Variants in STARD13 observed in about 807,000 individuals in gnomAD.
The protein encoded by STARD13 is StAR related lipid transfer domain containing 13.
Under a neutral mutation model 106.4 loss-of-function variants are expected in STARD13, and 62 were observed. The ratio of observed to expected loss-of-function variants is 0.58; its 90% CI spans 0.48 to 0.72. STARD13 has a LOEUF of 0.72. Ranked by LOEUF, STARD13 falls within the 30% of genes least tolerant of loss-of-function variation. The pLI is 0.00. For synonymous variants in STARD13, 565 were observed against 553.0 expected (o/e 1.02, Z -0.31); for missense variants, 1,387 against 1,424.0 (o/e 0.97, Z 0.42).
chr13:33,132,184 C>A (rs1057497619), intron 4 of STARD13, among the ~76,000 whole-genome samples: 2 of 152,206 alleles, frequency 1.3e-5, no homozygotes, highest in East Asian at 3.8e-4. Context: ...GAAAAGAATT[C>A]TATGGCTTAG....
At chr13:33,336,025 A>T (rs1483926442) in intron 1 of STARD13, among the ~76,000 whole-genome samples, 1 of 152,138 alleles carries the variant, frequency 6.6e-6, no homozygotes, top group Non-Finnish European at 1.5e-5. Flanking sequence ...TTCATTGTGC[A>T]CCTCCTGTAT....
At chr13:33,538,459 G>C in the STARD13 span, among the ~76,000 whole-genome samples, 5 of 152,154 alleles carry the variant, frequency 3.3e-5, no homozygotes, top group Non-Finnish European at 7.3e-5. Context: ...GGTCACCTCA[G>C]GAGTAAGAAA....
intron 1 of STARD13, among the ~76,000 whole-genome samples, chr13:33,191,010 C>T (rs1409411786): frequency 6.6e-6 from 1 of 152,148 alleles, no homozygotes; most frequent in African/African-American, 2.4e-5. Flanking sequence ...ACTGCAATGC[C>T]TTATTATACT....
chr13:33,408,184 G>A, the STARD13 span, among the ~76,000 whole-genome samples: 33 of 152,004 alleles, frequency 2.2e-4, no homozygotes, highest in African/African-American at 5.6e-4. Context: ...AAAATTGACC[G>A]TCGTAATCAT....
At chr13:33,415,347 G>A in the STARD13 span, among the ~76,000 whole-genome samples, 1 of 152,144 alleles carries the variant, frequency 6.6e-6, no homozygotes, top group African/African-American at 2.4e-5. Context: ...CAGCCTGGGC[G>A]ACAGAGTGAG....
intron 7 of STARD13, among the ~76,000 whole-genome samples, chr13:33,121,395 C>T (rs570748605): frequency 1.0e-3 from 155 of 151,944 alleles, no homozygotes; most frequent in African/African-American, 3.6e-3. Flanking sequence ...GGCAAAACCT[C>T]GTCTCTACTA....
intron 1 of STARD13, among the ~76,000 whole-genome samples, chr13:33,270,250 A>T (rs879477905): frequency 1.1e-4 from 16 of 152,178 alleles, no homozygotes; most frequent in Admixed American, 4.6e-4. Context: ...AAAACAAAAA[A>T]ACAAAACAAA....
chr13:33,285,116 G>A (rs927322957), intron 1 of STARD13, among the ~76,000 whole-genome samples: 21 of 152,100 alleles, frequency 1.4e-4, no homozygotes, highest in Non-Finnish European at 2.9e-4. Flanking sequence ...AAATAAACAA[G>A]TGTCCACATT....
chr13:33,392,986 G>A, the STARD13 span, among the ~76,000 whole-genome samples: 1 of 152,176 alleles, frequency 6.6e-6, no homozygotes, highest in Non-Finnish European at 1.5e-5. Flanking sequence ...GGTACAATAC[G>A]GCAAAGACTC....
At chr13:33,499,519 T>TTTCTTTCTTTC in the STARD13 span, among the ~76,000 whole-genome samples, 4 of 91,978 alleles carry the variant, frequency 4.3e-5, no homozygotes, top group African/African-American at 1.2e-4. Flanking sequence ...TTCTTCTTTC[T>TTTCTTTCTTTC]TTCTTCTTCT....
the STARD13 span, among the ~76,000 whole-genome samples, chr13:33,487,812 T>C: frequency 4.6e-5 from 7 of 152,344 alleles, no homozygotes; most frequent in Non-Finnish European, 5.9e-5. Context: ...CTTATACTTA[T>C]GCTGCAGTGT....
chr13:33,300,736 C>T (rs1892676991), intron 1 of STARD13, among the ~76,000 whole-genome samples: 1 of 151,936 alleles, frequency 6.6e-6, no homozygotes, highest in Admixed American at 6.6e-5. Context: ...AAATATAAGC[C>T]CTTCATTTTA....
In STARD13 at chr13:33,127,450, C is replaced by T. The variant is rs377159962; in HGVS notation, c.1845G>A (p.Leu615=). ...ISSQTASQLS[L]LQRFSLLRLT... ...GGCGGAGCAGTGAGAAGCGCTGGAG[C>T]AGGCTCAGCTGGCTGGCCGTCTGGC... is the stretch of plus-strand genomic sequence containing the variant. The change falls in exon 6 of 14, where the codon CTG becomes CTA. Residue 615 remains leucine (L), a synonymous_variant. Coordinates refer to ENST00000336934, the MANE Select transcript of STARD13 (RefSeq NM_178006.4). The T allele has an allele frequency of 2.5e-6, 4 of 1,602,548 alleles. No homozygotes were observed. Among genetic ancestry groups the T allele is most frequent in the African/African-American group, 2.7e-5 (2 of 74,674 alleles).
chr13:33,603,389 T>G, the STARD13 span, among the ~76,000 whole-genome samples: 347 of 152,278 alleles, frequency 2.3e-3, 3 homozygotes, highest in African/African-American at 6.7e-3. Context: ...GCCCCTGGTG[T>G]TTTGGTAACA....
At position 33,104,339 on chromosome 13, in the gene STARD13, A is replaced by C. The variant is rs1304815803; in HGVS notation, c.*1254T>G. 6.6e-6 allele frequency: 1 copy of C among 152,548 alleles called. No homozygotes were observed. Among genetic ancestry groups the C allele is most frequent in the Non-Finnish European group, 1.5e-5 (1 of 68,052 alleles). The allele number at this position is 152,548 out of a possible 1,614,324, so 9.4% of individuals were successfully genotyped here. On this transcript the variant is annotated 3_prime_UTR_variant, in exon 14 of 14. Coordinates refer to ENST00000336934, the MANE Select transcript of STARD13 (RefSeq NM_178006.4). The stretch of plus-strand genomic sequence containing the variant: ...AATGCATAGGTAGCTTGGACTGGCT[A>C]GTGAAGAAACACAGAAGAATTAATA...
At chr13:33,639,003 T>C in the STARD13 span, among the ~76,000 whole-genome samples, 15 of 152,286 alleles carry the variant, frequency 9.8e-5, no homozygotes, top group East Asian at 1.7e-3. Context: ...CCGCAGATAT[T>C]TGTGAACCAG....
chr13:33,373,862 C>CT, the STARD13 span, among the ~76,000 whole-genome samples: 1 of 151,948 alleles, frequency 6.6e-6, no homozygotes, highest in African/African-American at 2.4e-5. Flanking sequence ...GGCAAAGCCA[C>CT]TGTGGAAAAC....
At chr13:33,632,916 G>C in the STARD13 span, among the ~76,000 whole-genome samples, 1 of 151,618 alleles carries the variant, frequency 6.6e-6, no homozygotes, top group Non-Finnish European at 1.5e-5. Flanking sequence ...TCAATGAAAT[G>C]ATAACCCAAG....
intron 1 of STARD13, among the ~76,000 whole-genome samples, chr13:33,253,383 G>A (rs1890183116): frequency 6.6e-6 from 1 of 152,194 alleles, no homozygotes; most frequent in Non-Finnish European, 1.5e-5. Context: ...CCAATGGACA[G>A]CGTAAACATG....
Sources: gnomAD v4.1 joint callset for allele counts (sites outside exome capture counted in the v4.1 genomes callset) on GRCh38, gnomAD v4.1.1 for gene constraint, MANE v1.5 for transcripts, NCBI Gene and HGNC (gene_info 2026-07-23, HGNC 2026-07-21) for gene names.